FBXW8: variants seen among roughly 807,000 people sequenced by gnomAD.
FBXW8 encodes F-box/WD repeat-containing protein 8.
A neutral mutation model predicts 65.3 loss-of-function variants in FBXW8; 57 were observed. The observed-to-expected ratio is 0.87, with a 90% CI of 0.71 to 1.09. The LOEUF is 1.09. FBXW8 is among the 50% of genes least tolerant of loss of function. The pLI is 0.00. For missense variants in FBXW8, 777 were observed against 814.8 expected (o/e 0.95, Z 0.57); for synonymous variants, 308 against 330.2 (o/e 0.93, Z 0.73).
intron 8 of FBXW8, among the ~76,000 whole-genome samples, chr12:117,015,550 A>C (rs1451216275): frequency 6.6e-6 from 1 of 152,064 alleles, no homozygotes; most frequent in Admixed American, 6.5e-5. Flanking sequence ...TCGCAGGGAG[A>C]AGCTTATCCG....
intron 5 of FBXW8, among the ~76,000 whole-genome samples, chr12:116,975,086 G>A (rs1884843243): frequency 1.3e-5 from 2 of 152,284 alleles, no homozygotes; most frequent in South Asian, 4.1e-4. Context: ...AAATAAAGGA[G>A]AAGAGATAGC....
At chr12:116,956,257 T>A (rs1883641052) in intron 4 of FBXW8, among the ~76,000 whole-genome samples, 1 of 152,190 alleles carries the variant, frequency 6.6e-6, no homozygotes, top group Non-Finnish European at 1.5e-5. Flanking sequence ...GCTTCTCTTC[T>A]GCCTAGTGTG....
rs1954339387 is a variant in FBXW8 at position 117,030,713 on chromosome 12, T to A, written c.*2541T>A. 1 of 152,184 alleles carries A rather than the reference T, an allele frequency of 6.6e-6. No homozygotes were observed. Among genetic ancestry groups the A allele is most frequent in the Admixed American group, 6.5e-5 (1 of 15,282 alleles). The allele number at this position is 152,184 out of a possible 1,614,324, so 9.4% of individuals were successfully genotyped here. A position where few individuals can be genotyped will look rare whatever the true frequency, so the allele number is the denominator to read the frequency against. On this transcript the variant is annotated 3_prime_UTR_variant, in exon 11 of 11. Coordinates refer to ENST00000652555, the MANE Select transcript of FBXW8 (RefSeq NM_153348.3). ...GAGCCTGTTTCTAACGTACCTGCCA[T>A]TCGTGGAAGTCGCCTGGGTTTTGTA...
chr12:116,963,817 G>A (rs1332247655), intron 4 of FBXW8, among the ~76,000 whole-genome samples: 1 of 152,144 alleles, frequency 6.6e-6, no homozygotes, highest in African/African-American at 2.4e-5. Context: ...TGATTGTGTG[G>A]TTCTATCATG....
intron 8 of FBXW8, among the ~76,000 whole-genome samples, chr12:117,018,103 A>G (rs906085360): frequency 2.6e-5 from 4 of 152,148 alleles, no homozygotes; most frequent in African/African-American, 9.7e-5. Flanking sequence ...CCTGCCCATC[A>G]GATGGATGCT....
intron 5 of FBXW8, among the ~76,000 whole-genome samples, chr12:116,976,407 GA>G (rs1884937160): frequency 7.2e-6 from 1 of 138,952 alleles, no homozygotes; most frequent in Non-Finnish European, 1.5e-5. Context: ...AAAAATGCAT[GA>G]TGATGAGTAC....
intron 1 of FBXW8, among the ~76,000 whole-genome samples, chr12:116,912,234 C>G (rs1234718130): frequency 1.4e-5 from 2 of 147,004 alleles, no homozygotes; most frequent in African/African-American, 5.0e-5. Flanking sequence ...GTTGCCCAGG[C>G]TAGAGTGTAC....
At position 116,945,348 on chromosome 12, in the gene FBXW8, A is replaced by C. The variant is rs1038549637; in HGVS notation, c.424-16A>C. 1.9e-6 allele frequency: 3 copies of C among 1,595,220 alleles called. No homozygotes were observed. The highest frequency in any genetic ancestry group is 2.6e-6 in the Non-Finnish European group (3 of 1,167,950). On this transcript the variant is annotated splice_polypyrimidine_tract_variant and intron_variant, in intron 2 of 10. Coordinates refer to ENST00000652555, the MANE Select transcript of FBXW8 (RefSeq NM_153348.3). ...AATTGCAGAATTTGACATTTGTGTC[A>C]CTTCTGCTGTTTTAGGTGAGCAAGA... is the stretch of plus-strand genomic sequence containing the variant.
At chr12:117,000,765 T>C (rs1953496491) in intron 7 of FBXW8, among the ~76,000 whole-genome samples, 1 of 152,244 alleles carries the variant, frequency 6.6e-6, no homozygotes, top group Admixed American at 6.5e-5. Context: ...GGTACCTATC[T>C]TACAGCACTG....
intron 9 of FBXW8, among the ~76,000 whole-genome samples, chr12:117,025,601 G>A (rs540653852): frequency 9.8e-5 from 15 of 152,322 alleles, no homozygotes; most frequent in African/African-American, 2.9e-4. Context: ...GGCAAACACT[G>A]TGGCCGGCAC....
At chr12:116,931,041 C>T (rs1881733462) in intron 2 of FBXW8, among the ~76,000 whole-genome samples, 1 of 152,214 alleles carries the variant, frequency 6.6e-6, no homozygotes, top group South Asian at 2.1e-4. Flanking sequence ...CTCCTGGCTT[C>T]AAGTAAGAGT....
At chr12:116,982,220 C>T (rs886538297) in intron 5 of FBXW8, among the ~76,000 whole-genome samples, 4 of 152,164 alleles carry the variant, frequency 2.6e-5, no homozygotes, top group Non-Finnish European at 5.9e-5. Flanking sequence ...GATTTAAACA[C>T]CCCAATTAAA....
intron 5 of FBXW8, among the ~76,000 whole-genome samples, chr12:116,966,659 C>G (rs936169116): frequency 6.6e-6 from 1 of 152,110 alleles, no homozygotes; most frequent in Non-Finnish European, 1.5e-5. Flanking sequence ...GTCTTCATTG[C>G]CCTCATCCCC....
At chr12:117,027,601 A>T in intron 10 of FBXW8, 97 bp downstream of exon 10, 1 of 939,102 alleles carries the variant, frequency 1.1e-6, no homozygotes, top group Non-Finnish European at 1.7e-6. Context: ...CCTATGGGCT[A>T]TACCCTCAGG....
chr12:116,963,447 A>C (rs1043876319), intron 4 of FBXW8, among the ~76,000 whole-genome samples: 28 of 152,220 alleles, frequency 1.8e-4, no homozygotes, highest in Admixed American at 1.8e-3. Context: ...AAAAACTAAA[A>C]AAACAAACTA....
At chr12:116,969,981 G>A (rs1016873703) in intron 5 of FBXW8, among the ~76,000 whole-genome samples, 24 of 152,246 alleles carry the variant, frequency 1.6e-4, no homozygotes, top group Admixed American at 3.3e-4. Flanking sequence ...TTACCATACC[G>A]AAATGAATCA....
chr12:116,995,621 G>GCCTTGTAAGCTGT (rs1399016492), intron 7 of FBXW8, among the ~76,000 whole-genome samples: 159 of 152,322 alleles, frequency 1.0e-3, no homozygotes, highest in Non-Finnish European at 1.8e-3. Context: ...AGGGCTGCTT[G>GCCTTGTAAGCTGT]ATGGTTTTTT....
chr12:116,969,167 C>T (rs373984207), intron 5 of FBXW8, among the ~76,000 whole-genome samples: 36 of 152,290 alleles, frequency 2.4e-4, no homozygotes, highest in African/African-American at 7.9e-4. Flanking sequence ...GATTACTCAA[C>T]GCCTGGGTAA....
At chr12:117,027,913 G>T (rs1241185851) in intron 10 of FBXW8, 115 bp from the exon 11 acceptor site, 2 of 1,410,224 alleles carry the variant, frequency 1.4e-6, no homozygotes, top group Non-Finnish European at 1.9e-6. Context: ...GAACGCGTTT[G>T]TGAAGCTGAA....
Sources: allele counts gnomAD v4.1 joint callset (sites outside exome capture counted in the v4.1 genomes callset), GRCh38; gene constraint gnomAD v4.1.1; transcripts MANE v1.5; gene names NCBI Gene and HGNC (gene_info 2026-07-23, HGNC 2026-07-21).